The following D2HGDH variants were observed in gnomAD, a reference collection of about 807,000 sequenced individuals.
D2HGDH encodes the protein D-2-hydroxyglutarate dehydrogenase, mitochondrial.
In D2HGDH, 31 loss-of-function variants were observed where a neutral mutation model predicts 46.9. The ratio of observed to expected loss-of-function variants is 0.66; its 90% CI spans 0.50 to 0.89. D2HGDH has a LOEUF of 0.89. D2HGDH is among the 40% of genes least tolerant of loss of function. The probability of loss-of-function intolerance (pLI) is 0.00; values close to 1 mark genes in which losing one functional copy is unlikely to be tolerated. For missense variants in D2HGDH, 698 were observed against 720.8 expected, an observed-to-expected ratio of 0.97 and a Z score of 0.36; for synonymous variants, 364 against 332.6, an observed-to-expected ratio of 1.09 and a Z score of -1.03.
chr2:241,746,087 A>G (rs1468775919), intron 6 of D2HGDH, among the ~76,000 whole-genome samples: 1 of 152,098 alleles, frequency 6.6e-6, no homozygotes, highest in African/African-American at 2.4e-5. Flanking sequence ...GTGGCTTGGT[A>G]TCTTTTACCA....
intron 9 of D2HGDH, among the ~76,000 whole-genome samples, chr2:241,765,302 G>A (rs1313706060): frequency 6.8e-6 from 1 of 147,480 alleles, no homozygotes; most frequent in Non-Finnish European, 1.5e-5. Flanking sequence ...AGAGGGGGGA[G>A]AACTTGGGGA....
intron 8 of D2HGDH, 93 bp downstream of exon 8, chr2:241,751,481 A>G (rs180726819): frequency 6.4e-7 from 1 of 1,555,834 alleles, no homozygotes; most frequent in African/African-American, 1.3e-5. Context: ...TGCAGCCTAG[A>G]CAGTGTGGGA....
At position 241,743,580 on chromosome 2, in the gene D2HGDH, A is replaced by C; in HGVS notation, c.491-42A>C. 2 of 1,597,714 alleles carry C rather than the reference A, an allele frequency of 1.3e-6. No homozygotes were observed. Among genetic ancestry groups the C allele is most frequent in the Non-Finnish European group, 1.7e-6 (2 of 1,173,052 alleles). On this transcript the variant is annotated intron_variant, in intron 4 of 9. Transcript: ENST00000321264. This position sits in a 1 kb window ranked among gnomAD's most constrained non-coding sequence, Gnocchi z 4.8. ...TTGGGACTCACCAGCCCGGGGGCCC[A>C]CTGGAAGCCAAGTGCTGCGGCAGCC...
chr2:241,734,975 G>A (rs1692345080), intron 1 of D2HGDH, 158 bp from the exon 2 acceptor site: 1 of 507,710 alleles, frequency 2.0e-6, no homozygotes, highest in Non-Finnish European at 3.4e-6. Flanking sequence ...TGCTGCGTGG[G>A]GCTTCGCGCG....
Position 241,768,056 on chromosome 2 carries a change from C to T in D2HGDH, c.*87C>T, listed in dbSNP as rs546752536. The stretch of plus-strand genomic sequence containing the variant: ...GTTGCGGTGGCTCTGAGGGATGAGC[C>T]GGCAGTGGGCAGGGGACCAGGCACC... On this transcript the variant is annotated 3_prime_UTR_variant, in exon 10 of 10. Transcript: ENST00000321264. 7,689 of 1,478,970 alleles carry T rather than the reference C, an allele frequency of 5.2e-3. 25 individuals are homozygous for T. The highest frequency in any genetic ancestry group is 6.2e-3 in the Non-Finnish European group (6,941 of 1,112,966). 91.6% of individuals were successfully genotyped at this position (1,478,970 alleles called of 1,614,324 possible).
At chr2:241,752,049 A>G (rs4632381) in intron 8 of D2HGDH, among the ~76,000 whole-genome samples, 10,381 of 144,194 alleles carry the variant, frequency 0.072, 892 homozygotes, top group African/African-American at 0.14. Flanking sequence ...AGGAGCCCTC[A>G]GTTACCTTCA....
chr2:241,756,481 C>T (rs1423089711), intron 9 of D2HGDH, among the ~76,000 whole-genome samples: 2 of 152,210 alleles, frequency 1.3e-5, no homozygotes, highest in East Asian at 1.9e-4. Context: ...CATGCTTTAA[C>T]GTGTAAGCTA....
intron 8 of D2HGDH, among the ~76,000 whole-genome samples, chr2:241,753,891 C>T (rs1468272120): frequency 6.6e-6 from 1 of 152,242 alleles, no homozygotes; most frequent in Non-Finnish European, 1.5e-5. Flanking sequence ...AGCCCATGGC[C>T]CCTCAGAGCC....
intron 9 of D2HGDH, among the ~76,000 whole-genome samples, chr2:241,756,841 G>A (rs1201845982): frequency 6.6e-6 from 1 of 152,080 alleles, no homozygotes; most frequent in Non-Finnish European, 1.5e-5. Context: ...TCAGTTCTTT[G>A]GAGCCTTGGA....
At chr2:241,748,946 T>A in intron 6 of D2HGDH, 1 of 1,290,726 alleles carries the variant, frequency 7.7e-7, no homozygotes, top group Non-Finnish European at 1.0e-6. Context: ...ACTCCAGGTC[T>A]CAGACAGGAG....
At chr2:241,736,665 T>G (rs1692924529) in intron 2 of D2HGDH, among the ~76,000 whole-genome samples, 1 of 146,948 alleles carries the variant, frequency 6.8e-6, no homozygotes, top group Non-Finnish European at 1.5e-5. Flanking sequence ...CAAAGACCGT[T>G]TATCCGTTTT....
At chr2:241,751,988 G>A (rs564844138) in intron 8 of D2HGDH, among the ~76,000 whole-genome samples, 1 of 128,478 alleles carries the variant, frequency 7.8e-6, no homozygotes, top group Non-Finnish European at 1.7e-5. Flanking sequence ...CACCGTCACC[G>A]GGGCCTGGAT....
At chr2:241,751,177 C>T (rs1036100138) in intron 7 of D2HGDH, 69 bp from the exon 8 acceptor site, 30 of 1,607,022 alleles carry the variant, frequency 1.9e-5, no homozygotes, top group African/African-American at 5.3e-5. Context: ...CTGTTCTGCC[C>T]GAGCAGCCCT....
At chr2:241,756,161 G>A in intron 9 of D2HGDH, 147 bp downstream of exon 9, 1 of 1,224,686 alleles carries the variant, frequency 8.2e-7, no homozygotes, top group Non-Finnish European at 1.1e-6. Flanking sequence ...GGACCACGGT[G>A]TCTGACAGGG....
intron 9 of D2HGDH, among the ~76,000 whole-genome samples, chr2:241,761,687 T>C (rs1474495440): frequency 1.3e-5 from 2 of 152,256 alleles, no homozygotes; most frequent in East Asian, 3.9e-4. Flanking sequence ...CTGCATGCTG[T>C]TCGGTGGTGT....
At chr2:241,751,450 G>A (rs1697186308) in intron 8 of D2HGDH, 62 bp downstream of exon 8, 5 of 1,602,002 alleles carry the variant, frequency 3.1e-6, no homozygotes, top group Non-Finnish European at 4.3e-6. Flanking sequence ...CTTGTCTTGG[G>A]ATGCCTGGAA....
At chr2:241,747,541 A>G (rs1696182488) in intron 6 of D2HGDH, among the ~76,000 whole-genome samples, 2 of 106,294 alleles carry the variant, frequency 1.9e-5, no homozygotes, top group Admixed American at 9.6e-5. Context: ...ATTTATCAGG[A>G]GAGTGTTTTT....
rs146044770 is a variant in D2HGDH at position 241,737,129 on chromosome 2, C to T, written c.292+1613C>T. ...GACTACAGGCGCCCGCCACCACGCC[C>T]GGCTCATTCTTTTTGTATTTTTAGT... On this transcript the variant is annotated intron_variant, in intron 2 of 9. Transcript: ENST00000321264. Among the ~76,000 whole-genome samples the T allele has an allele frequency of 8.4e-4, 128 of 152,278 alleles. No homozygotes were observed. In the Middle Eastern group the frequency reaches 0.01, roughly 12 times the overall value.
At chr2:241,757,446 G>A (rs895420870) in intron 9 of D2HGDH, among the ~76,000 whole-genome samples, 1 of 129,008 alleles carries the variant, frequency 7.8e-6, no homozygotes, top group African/African-American at 2.7e-5. Flanking sequence ...GAGAAGAGGG[G>A]TACGGGAGCC....
Sources: gnomAD v4.1 joint callset for allele counts (sites outside exome capture counted in the v4.1 genomes callset) on GRCh38, gnomAD v4.1.1 for gene constraint, Gnocchi (gnomAD v3.1) non-coding constraint, MANE v1.5 for transcripts, NCBI Gene and HGNC (gene_info 2026-07-23, HGNC 2026-07-21) for gene names.